The following PTP4A1 variants were observed in gnomAD, a reference collection of about 807,000 sequenced individuals.
PTP4A1 encodes the protein protein tyrosine phosphatase 4A1.
Under a neutral mutation model 20.5 loss-of-function variants are expected in PTP4A1, and 9 were observed. The ratio of observed to expected loss-of-function variants is 0.44; its 90% CI spans 0.26 to 0.77. The LOEUF is 0.77. Among genes scored for constraint, PTP4A1 ranks in the 30% least tolerant of loss-of-function variants. The pLI is 0.19. For missense variants in PTP4A1, 137 were observed against 218.8 expected (o/e 0.63, Z 2.36); for synonymous variants, 78 against 67.4 (o/e 1.16, Z -0.77).
At chr6:63,517,167 G>C (rs1183131471), upstream of PTP4A1, among the ~76,000 whole-genome samples, 1 of 152,028 alleles carries the variant, frequency 6.6e-6, no homozygotes, top group African/African-American at 2.4e-5. Flanking sequence ...ATTAAACAAG[G>C]ATAATATTAT....
chr6:63,560,455 G>C (rs890312417), intron 3 of PTP4A1, among the ~76,000 whole-genome samples: 18 of 150,732 alleles, frequency 1.2e-4, no homozygotes, highest in African/African-American at 4.4e-4. Context: ...GGGCTGGAAG[G>C]CAGTGCACAT....
chr6:63,546,717 A>G (rs1776198786), intron 2 of PTP4A1, among the ~76,000 whole-genome samples: 1 of 152,160 alleles, frequency 6.6e-6, no homozygotes, highest in African/African-American at 2.4e-5. Context: ...AAAAAAAAAA[A>G]ATAGAGTACA....
At chr6:63,575,250 T>C (rs1190870239) in intron 1 of PTP4A1, among the ~76,000 whole-genome samples, 1 of 152,218 alleles carries the variant, frequency 6.6e-6, no homozygotes, top group Non-Finnish European at 1.5e-5. Context: ...TAAAACACTT[T>C]GGTAATGAGA....
intron 2 of PTP4A1, among the ~76,000 whole-genome samples, chr6:63,542,417 C>G (rs1345108052): frequency 6.6e-6 from 1 of 151,860 alleles, no homozygotes; most frequent in African/African-American, 2.4e-5. Context: ...CCCCAATAAC[C>G]TATGGAAATA....
chr6:63,535,278 A>G (rs1195766493), intron 2 of PTP4A1, among the ~76,000 whole-genome samples: 1 of 152,144 alleles, frequency 6.6e-6, no homozygotes, highest in African/African-American at 2.4e-5. Flanking sequence ...TAGCCTGGCC[A>G]ACATGGTGAA....
intron 1 of PTP4A1, among the ~76,000 whole-genome samples, chr6:63,573,072 G>A (rs1247726169): frequency 6.6e-6 from 1 of 152,018 alleles, no homozygotes; most frequent in Non-Finnish European, 1.5e-5. Flanking sequence ...TGGCACAAAA[G>A]CCGCTTTGTG....
chr6:63,551,469 A>G (rs1776437169), intron 3 of PTP4A1, among the ~76,000 whole-genome samples: 2 of 152,084 alleles, frequency 1.3e-5, no homozygotes, highest in Non-Finnish European at 2.9e-5. Context: ...ATTTTCACCT[A>G]TTTCTTTCCA....
intron 3 of PTP4A1, among the ~76,000 whole-genome samples, chr6:63,565,477 A>G (rs1777153820): frequency 6.6e-6 from 1 of 152,222 alleles, no homozygotes; most frequent in Non-Finnish European, 1.5e-5. Flanking sequence ...AACTGCCTTA[A>G]TCAATTTTAC....
chr6:63,534,261 C>T (rs796159959), intron 2 of PTP4A1, among the ~76,000 whole-genome samples: 40 of 152,202 alleles, frequency 2.6e-4, no homozygotes, highest in African/African-American at 9.6e-4. Flanking sequence ...AACAGTGTAA[C>T]TGGAAGGAAA....
At chr6:63,558,761 A>C (rs1177154612) in intron 3 of PTP4A1, among the ~76,000 whole-genome samples, 1 of 152,230 alleles carries the variant, frequency 6.6e-6, no homozygotes, top group African/African-American at 2.4e-5. Flanking sequence ...GAGAAAGAAT[A>C]GGAAATATTC....
intron 2 of PTP4A1, among the ~76,000 whole-genome samples, chr6:63,546,959 T>A (rs1274438612): frequency 1.3e-5 from 2 of 152,230 alleles, no homozygotes; most frequent in Non-Finnish European, 2.9e-5. Flanking sequence ...TTAATTTTTG[T>A]CAATTACTCT....
chr6:63,547,490 AG>A (rs1354828972), intron 2 of PTP4A1, among the ~76,000 whole-genome samples: 5 of 113,284 alleles, frequency 4.4e-5, no homozygotes, highest in South Asian at 6.0e-4. Context: ...TCGCCCGGCC[AG>A]GGGGGAATTT....
In PTP4A1 at chr6:63,581,219, T is replaced by G. The variant is rs1296372144; in HGVS notation, c.*1045T>G. On this transcript the variant is annotated 3_prime_UTR_variant, in exon 6 of 6. Transcript: ENST00000626021. The stretch of plus-strand genomic sequence containing the variant: ...TAATGAATTGAGCAGACATCTAATA[T>G]TTTATATGCCTTTTGAGCTGTGTAA... 6.6e-6 allele frequency: 1 copy of G among 152,572 alleles called. No homozygotes were observed. The highest frequency in any genetic ancestry group is 2.4e-5 in the African/African-American group (1 of 41,442). The allele number at this position is 152,572 out of a possible 1,614,324, so 9.5% of individuals were successfully genotyped here.
intron 2 of PTP4A1, 74 bp downstream of exon 2, chr6:63,577,059 A>G: frequency 8.2e-7 from 1 of 1,215,376 alleles, no homozygotes; most frequent in Non-Finnish European, 1.2e-6. Flanking sequence ...ACAAAATAAA[A>G]ACTACTTTGG....
chr6:63,516,654 T>C, the PTP4A1 span, among the ~76,000 whole-genome samples: 1 of 152,242 alleles, frequency 6.6e-6, no homozygotes, highest in Non-Finnish European at 1.5e-5. Context: ...AACAGAATCT[T>C]AGTTCTTAGC....
intron 1 of PTP4A1, among the ~76,000 whole-genome samples, chr6:63,526,623 C>G (rs982387460): frequency 9.9e-5 from 15 of 151,492 alleles, no homozygotes; most frequent in Non-Finnish European, 1.6e-4. Context: ...TCCTGGCCAC[C>G]ATGGTGAAAC....
chr6:63,538,750 C>T (rs1775827445), intron 2 of PTP4A1, among the ~76,000 whole-genome samples: 1 of 152,184 alleles, frequency 6.6e-6, no homozygotes, highest in South Asian at 2.1e-4. Context: ...TGTTAAAACA[C>T]AGACTGATGG....
intron 1 of PTP4A1, chr6:63,527,791 C>CT (rs1361377279): frequency 6.6e-6 from 1 of 152,162 alleles, no homozygotes; most frequent in Non-Finnish European, 1.5e-5. Flanking sequence ...ATGAGCTCAC[C>CT]TGACAGATTG....
Position 63,580,770 on chromosome 6 carries a change from G to A in PTP4A1, c.*596G>A, listed in dbSNP as rs1466084777. 2.7e-5 allele frequency: 4 copies of A among 147,226 alleles called. No individual in the cohort carries two copies. Among genetic ancestry groups the A allele is most frequent in the Middle Eastern group, 3.4e-3 (1 of 290 alleles). The allele number at this position is 147,226 out of a possible 1,614,324, so 9.1% of individuals were successfully genotyped here. A position where few individuals can be genotyped will look rare whatever the true frequency, so the allele number is the denominator to read the frequency against. Reference sequence around the variant, plus strand: ...CCAAGTCTTACAGTGATTATTTTACGTGTTTCCATGTATCTCACTTTGTGC... The same window carrying A: ...CCAAGTCTTACAGTGATTATTTTACATGTTTCCATGTATCTCACTTTGTGC... On this transcript the variant is annotated 3_prime_UTR_variant, in exon 6 of 6. Transcript: ENST00000626021.
Sources: allele counts gnomAD v4.1 joint callset (sites outside exome capture counted in the v4.1 genomes callset), GRCh38; gene constraint gnomAD v4.1.1; transcripts MANE v1.5; gene names NCBI Gene and HGNC (gene_info 2026-07-23, HGNC 2026-07-21).